Variants in AFDN observed in about 807,000 individuals in gnomAD.
The protein encoded by AFDN is afadin.
Under a neutral mutation model 216.6 loss-of-function variants are expected in AFDN, and 68 were observed. The ratio of observed to expected loss-of-function variants is 0.31; its 90% CI spans 0.26 to 0.38. The LOEUF (loss-of-function observed/expected upper bound fraction) is 0.38, where lower values mean the gene tolerates loss of function less well. Among genes scored for constraint, AFDN ranks in the 10% least tolerant of loss-of-function variants. AFDN has a pLI of 1.00. For missense variants in AFDN, 2,136 were observed against 2,342.0 expected (o/e 0.91, Z 1.82); for synonymous variants, 868 against 853.7 (o/e 1.02, Z -0.29).
intron 6 of AFDN, among the ~76,000 whole-genome samples, chr6:167,882,878 A>G (rs1221891583): frequency 6.6e-6 from 1 of 152,150 alleles, no homozygotes; most frequent in Non-Finnish European, 1.5e-5. Flanking sequence ...AGTTGCATAT[A>G]AAGGTTTGGG....
Position 167,943,159 on chromosome 6 carries a change from G to A in AFDN, c.3130G>A (p.Val1044Met), listed in dbSNP as rs1291047306. The change falls in exon 24 of 34, where the codon GTG (valine) becomes ATG (methionine). Residue 1044 changes from valine (V) to methionine (M), a missense_variant. By Grantham distance (21) the Val-to-Met change is conservative. Transcript: ENST00000683244. Reference protein sequence around the residue: ...GAGQDKLGIYVKSVVKGGAAD... With the variant: ...GAGQDKLGIYMKSVVKGGAAD... ...TGGTCAAGATAAACTAGGAATCTAT[G>A]TGAAGTCGGTTGTGAAAGGAGGTGC... 1 of 1,613,810 alleles carries A rather than the reference G, an allele frequency of 6.2e-7. No homozygotes were observed. The highest frequency in any genetic ancestry group is 1.3e-5 in the African/African-American group (1 of 74,926).
chr6:167,872,793 C>CT (rs1784928744), intron 4 of AFDN, among the ~76,000 whole-genome samples: 1 of 152,156 alleles, frequency 6.6e-6, no homozygotes, highest in Admixed American at 6.6e-5. Flanking sequence ...CAGGTTTTCC[C>CT]TTTTAAGCTT....
chr6:167,898,556 G>T, intron 11 of AFDN, 89 bp downstream of exon 11: 4 of 1,343,532 alleles, frequency 3.0e-6, no homozygotes, highest in Admixed American at 3.0e-5. Context: ...TTTTATTTTT[G>T]TTTCAATTTT....
intron 29 of AFDN, among the ~76,000 whole-genome samples, chr6:167,948,898 T>C (rs1795650737): frequency 6.6e-6 from 1 of 152,214 alleles, no homozygotes; most frequent in African/African-American, 2.4e-5. Context: ...GGGATGGAGC[T>C]TCTCAGTCTT....
Position 167,971,973 on chromosome 6 carries a change from G to A in AFDN, c.*2038G>A, listed in dbSNP as rs1798053504. On this transcript the variant is annotated 3_prime_UTR_variant, in exon 34 of 34. Coordinates refer to ENST00000683244, the MANE Select transcript of AFDN (RefSeq NM_001386888.1). ...TATATTTGTAACATCAGCCTTCCTC[G>A]CCCATCTCTTTCCATCTGTCTCTTC... is the stretch of plus-strand genomic sequence containing the variant. 2.6e-5 allele frequency: 5 copies of A among 193,868 alleles called. No homozygotes were observed. Among genetic ancestry groups the A allele is most frequent in the South Asian group, 1.9e-4 (1 of 5,156 alleles). The allele number at this position is 193,868 out of a possible 1,614,324, so 12.0% of individuals were successfully genotyped here.
In AFDN at chr6:167,971,613, CCA is replaced by C. The variant is rs1798030186; in HGVS notation, c.*1682_*1683del. Reference sequence around the variant, plus strand: ...ACTGGCAGCCTTATGGTGACTAAATCCACACTTTCTTTAAAGAGATGCAGATG... The same window carrying C: ...ACTGGCAGCCTTATGGTGACTAAATCCACTTTCTTTAAAGAGATGCAGATG... On this transcript the variant is annotated 3_prime_UTR_variant, in exon 34 of 34. Transcript: ENST00000683244. The C allele has an allele frequency of 5.2e-6, 1 of 193,154 alleles. No homozygotes were observed. The highest frequency in any genetic ancestry group is 6.1e-5 in the Admixed American group (1 of 16,350). The allele number at this position is 193,154 out of a possible 1,614,324, so 12.0% of individuals were successfully genotyped here.
intron 23 of AFDN, among the ~76,000 whole-genome samples, chr6:167,935,422 A>G (rs574624067): frequency 6.6e-6 from 1 of 152,306 alleles, no homozygotes; most frequent in South Asian, 2.1e-4. Flanking sequence ...AGATGTTCTC[A>G]GGGGCCTCCA....
chr6:167,906,212 TG>T (rs2128428492), intron 12 of AFDN, among the ~76,000 whole-genome samples: 1 of 152,336 alleles, frequency 6.6e-6, no homozygotes, highest in South Asian at 2.1e-4. Flanking sequence ...TTTTAAATGA[TG>T]TAATAAAGCA....
intron 23 of AFDN, among the ~76,000 whole-genome samples, chr6:167,926,965 G>T (rs1341401070): frequency 6.6e-6 from 1 of 152,120 alleles, no homozygotes; most frequent in African/African-American, 2.4e-5. Context: ...TATTTGATTT[G>T]CTGTTACACA....
At chr6:167,909,639 A>T (rs1790138471) in intron 13 of AFDN, among the ~76,000 whole-genome samples, 1 of 152,204 alleles carries the variant, frequency 6.6e-6, no homozygotes. Context: ...AGTATTTCTC[A>T]TTCCAATATC....
chr6:167,908,351 A>C (rs1211688979), intron 13 of AFDN, among the ~76,000 whole-genome samples: 1 of 152,156 alleles, frequency 6.6e-6, no homozygotes, highest in African/African-American at 2.4e-5. Flanking sequence ...CCCAGGTTTT[A>C]ACTTTATTTT....
chr6:167,833,681 T>G (rs1337624254), intron 1 of AFDN, among the ~76,000 whole-genome samples: 2 of 152,176 alleles, frequency 1.3e-5, no homozygotes, highest in Non-Finnish European at 2.9e-5. Context: ...TAACCAGCTT[T>G]TGGTACTGAG....
rs1037027671 is a variant in AFDN, at chr6:167,863,672, C to T, written c.106-879C>T. On this transcript the variant is annotated intron_variant, in intron 1 of 33. Coordinates refer to ENST00000683244, the MANE Select transcript of AFDN (RefSeq NM_001386888.1). ...TCTGGAATTTTTGTTGGGAGTTGTG[C>T]TTTTTCTGTGTGCAAGGAAATAATG... 1.7e-5 allele frequency: 7 copies of T among 423,742 alleles called. No individual in the cohort carries two copies. In the Admixed American group the frequency reaches 1.7e-4, roughly 10 times the overall value. The allele number at this position is 423,742 out of a possible 1,614,324, so 26.2% of individuals were successfully genotyped here.
intron 31 of AFDN, chr6:167,964,521 GA>G: frequency 9.4e-7 from 1 of 1,065,584 alleles, no homozygotes; most frequent in Non-Finnish European, 1.1e-6. Context: ...AAGATTCAAT[GA>G]AAAATTGGGC....
rs758649102 is a variant in AFDN, at chr6:167,918,941, A to G, written c.2908+8A>G. On this transcript the variant is annotated splice_region_variant and intron_variant, in intron 21 of 33. Transcript: ENST00000683244. ...ACCCTCTGTGCCAGAGAGGTAAATT[A>G]GTCTAAATGCCTGAGTCTGAGCTAC... The G allele has an allele frequency of 3.7e-6, 6 of 1,610,764 alleles. No homozygotes were observed. The highest frequency in any genetic ancestry group is 1.7e-4 in the Middle Eastern group (1 of 6,056).
In AFDN at chr6:167,948,425, G is replaced by GT; in HGVS notation, c.3778_3779insT (p.Glu1260ValfsTer10). ...TCCTCAGAACCAGTGGCCAAATTATGAGGAAAAGCCACATATGCACACAGA... is the reference window on the plus strand; with the variant it reads ...TCCTCAGAACCAGTGGCCAAATTATGTAGGAAAAGCCACATATGCACACAGA... On this transcript the variant is annotated frameshift_variant, in exon 29 of 34. Transcript: ENST00000683244. LOFTEE classifies it high-confidence loss of function. The GT allele has an allele frequency of 6.2e-7, 1 of 1,614,134 alleles. No homozygotes were observed. Among genetic ancestry groups the GT allele is most frequent in the Non-Finnish European group, 8.5e-7 (1 of 1,180,036 alleles).
intron 1 of AFDN, among the ~76,000 whole-genome samples, chr6:167,846,498 C>G (rs1392352016): frequency 1.3e-5 from 2 of 151,626 alleles, no homozygotes; most frequent in Non-Finnish European, 2.9e-5. Context: ...TTTAAAAGTT[C>G]AAAAATAAGC....
At chr6:167,860,295 T>C (rs1420972624) in intron 1 of AFDN, among the ~76,000 whole-genome samples, 4 of 152,030 alleles carry the variant, frequency 2.6e-5, no homozygotes, top group Non-Finnish European at 5.9e-5. Context: ...TAAGTTTTGC[T>C]TTCCAGCATT....
At chr6:167,882,602 G>T (rs1035786471) in intron 6 of AFDN, among the ~76,000 whole-genome samples, 6 of 152,094 alleles carry the variant, frequency 3.9e-5, no homozygotes, top group African/African-American at 1.4e-4. Context: ...CCTTGATCTC[G>T]CCATTGCATT....
Sources: allele counts gnomAD v4.1 joint callset (sites outside exome capture counted in the v4.1 genomes callset), GRCh38; gene constraint gnomAD v4.1.1; transcripts MANE v1.5; gene names NCBI Gene and HGNC (gene_info 2026-07-23, HGNC 2026-07-21).